MED13L: variants seen among roughly 807,000 people sequenced by gnomAD.
MED13L encodes the protein mediator complex subunit 13L, also known as mediator of RNA polymerase II transcription subunit 13-like.
MED13L carries 7 observed loss-of-function variants against 220.9 expected under a neutral mutation model. The ratio of observed to expected loss-of-function variants is 0.03; its 90% CI spans 0.02 to 0.06. The LOEUF (loss-of-function observed/expected upper bound fraction) is 0.06, where lower values mean the gene tolerates loss of function less well. Among genes scored for constraint, MED13L ranks in the 10% least tolerant of loss-of-function variants. The pLI, the probability that MED13L is intolerant of heterozygous loss-of-function variation, is 1.00. For missense variants in MED13L, 1,965 were observed against 2,760.5 expected, an observed-to-expected ratio of 0.71 and a Z score of 6.46; for synonymous variants, 1,011 against 1,015.2, an observed-to-expected ratio of 1.00 and a Z score of 0.08.
intron 1 of MED13L, among the ~76,000 whole-genome samples, chr12:116,256,095 T>A (rs984983908): frequency 6.6e-6 from 1 of 152,188 alleles, no homozygotes; most frequent in Admixed American, 6.5e-5. Context: ...GCAGAGCAAT[T>A]AGAACTCCTA....
At chr12:116,078,702 T>A (rs990222093) in intron 4 of MED13L, among the ~76,000 whole-genome samples, 1 of 152,196 alleles carries the variant, frequency 6.6e-6, no homozygotes, top group Non-Finnish European at 1.5e-5. Flanking sequence ...CCAGAGCCCA[T>A]ATACCCTACA....
chr12:116,163,519 C>T (rs1260051077), intron 2 of MED13L, among the ~76,000 whole-genome samples: 4 of 152,004 alleles, frequency 2.6e-5, no homozygotes, highest in Admixed American at 2.6e-4. Context: ...TGTGCACCAC[C>T]ACACCCAGCT....
chr12:116,207,474 T>C (rs1244878678), intron 2 of MED13L, among the ~76,000 whole-genome samples: 1 of 152,180 alleles, frequency 6.6e-6, no homozygotes, highest in Non-Finnish European at 1.5e-5. Flanking sequence ...CACACAATGA[T>C]GACATCACCT....
At chr12:116,010,130 A>G (rs1879303023) in intron 9 of MED13L, among the ~76,000 whole-genome samples, 1 of 152,160 alleles carries the variant, frequency 6.6e-6, no homozygotes, top group Non-Finnish European at 1.5e-5. Context: ...CTGCTCCATA[A>G]GGCCATTAAA....
intron 4 of MED13L, among the ~76,000 whole-genome samples, chr12:116,040,464 A>AAATGAAATAAT (rs1881456039): frequency 3.3e-5 from 5 of 152,246 alleles, no homozygotes; most frequent in African/African-American, 1.2e-4. Flanking sequence ...AATCTATTTT[A>AAATGAAATAAT]CATGAAATTC....
intron 30 of MED13L, 59 bp downstream of exon 30, chr12:115,963,348 C>A (rs1875904264): frequency 7.4e-7 from 1 of 1,352,716 alleles, no homozygotes; most frequent in Admixed American, 1.7e-5. Context: ...CTTGGAAAGA[C>A]AACAGTAAAG....
intron 27 of MED13L, among the ~76,000 whole-genome samples, chr12:115,969,358 C>T (rs1876415586): frequency 6.6e-6 from 1 of 152,176 alleles, no homozygotes; most frequent in Admixed American, 6.5e-5. Flanking sequence ...AAAACCTACA[C>T]TCTGCATAGC....
intron 1 of MED13L, among the ~76,000 whole-genome samples, chr12:116,245,153 G>A (rs1870990442): frequency 6.6e-6 from 1 of 152,002 alleles, no homozygotes; most frequent in South Asian, 2.1e-4. Flanking sequence ...GTGAAAACAG[G>A]GCATTTGGTG....
chr12:116,185,573 T>C, intron 2 of MED13L, among the ~76,000 whole-genome samples: 1 of 152,138 alleles, frequency 6.6e-6, no homozygotes, highest in East Asian at 1.9e-4. Context: ...GGTAATCTGG[T>C]CTCATTTCAC....
rs573820677 is a variant in MED13L, at chr12:116,197,622, C to T, written c.310+39846G>A. 5.9e-5 allele frequency among the ~76,000 whole-genome samples: 9 copies of T among 152,088 alleles called. No individual in the cohort carries two copies. In the South Asian group the frequency reaches 8.3e-4, roughly 14 times the overall value. ...TCTCTACTAAAAATACAAAATTAGC[C>T]GGACATGGTGGCGCATGCCTATAAT... On this transcript the variant is annotated intron_variant, in intron 2 of 30. Coordinates refer to ENST00000281928, the MANE Select transcript of MED13L (RefSeq NM_015335.5).
chr12:116,056,254 T>C (rs1038717961), intron 4 of MED13L, among the ~76,000 whole-genome samples: 2 of 151,598 alleles, frequency 1.3e-5, no homozygotes, highest in East Asian at 1.9e-4. Flanking sequence ...TTTCTAATAA[T>C]TTATGAAGTT....
intron 4 of MED13L, among the ~76,000 whole-genome samples, chr12:116,088,749 G>A (rs916544172): frequency 2.0e-5 from 3 of 151,328 alleles, no homozygotes; most frequent in Non-Finnish European, 2.9e-5. Context: ...GGGGAGGGGA[G>A]GGGAGGGGAG....
chr12:116,018,328 C>G (rs540384306), intron 7 of MED13L, among the ~76,000 whole-genome samples: 30 of 152,264 alleles, frequency 2.0e-4, no homozygotes, highest in African/African-American at 7.2e-4. Context: ...ATTTAATGCC[C>G]ACTAATTGCC....
chr12:116,002,974 C>A, intron 14 of MED13L, 29 bp downstream of exon 14: 1 of 1,525,596 alleles, frequency 6.6e-7, no homozygotes, highest in Non-Finnish European at 9.1e-7. Flanking sequence ...CAGTGAGCCA[C>A]AATGGCTCAG....
chr12:116,242,136 C>T (rs1870717994), intron 1 of MED13L, among the ~76,000 whole-genome samples: 1 of 151,172 alleles, frequency 6.6e-6, no homozygotes, highest in African/African-American at 2.4e-5. Flanking sequence ...CCTCCCCCTC[C>T]CAGGTGCAAG....
At chr12:116,178,048 T>C (rs1238968041) in intron 2 of MED13L, among the ~76,000 whole-genome samples, 2 of 152,002 alleles carry the variant, frequency 1.3e-5, no homozygotes, top group South Asian at 4.2e-4. Flanking sequence ...GTTTGTTTGT[T>C]TGTTTGTTTT....
At chr12:116,086,440 G>A (rs1207856033) in intron 4 of MED13L, among the ~76,000 whole-genome samples, 6 of 151,766 alleles carry the variant, frequency 4.0e-5, no homozygotes, top group African/African-American at 7.3e-5. Flanking sequence ...GCACCACCAC[G>A]CCCAGCTAAT....
At chr12:116,084,234 A>T (rs1871446586) in intron 4 of MED13L, among the ~76,000 whole-genome samples, 1 of 152,176 alleles carries the variant, frequency 6.6e-6, no homozygotes, top group Non-Finnish European at 1.5e-5. Context: ...CCACTCTTAA[A>T]GTGTCCTTTG....
chr12:116,123,268 A>G (rs377694635), intron 2 of MED13L, among the ~76,000 whole-genome samples: 1 of 152,210 alleles, frequency 6.6e-6, no homozygotes, highest in Admixed American at 6.6e-5. Flanking sequence ...TTTTAAAATA[A>G]GGATCCTATA....
Sources: allele counts gnomAD v4.1 joint callset (sites outside exome capture counted in the v4.1 genomes callset), GRCh38; gene constraint gnomAD v4.1.1; transcripts MANE v1.5; gene names NCBI Gene and HGNC (gene_info 2026-07-23, HGNC 2026-07-21).